The following GJA5 variants were observed in gnomAD, a reference collection of about 807,000 sequenced individuals.
GJA5 encodes the protein gap junction protein alpha 5, also known as gap junction alpha-5 protein.
GJA5 carries 3 observed loss-of-function variants against 7.9 expected under a neutral mutation model. The ratio of observed to expected loss-of-function variants is 0.38; its 90% CI spans 0.17 to 0.99. The LOEUF (loss-of-function observed/expected upper bound fraction) is 0.99, where lower values mean the gene tolerates loss of function less well. Among genes scored for constraint, GJA5 ranks in the 50% least tolerant of loss-of-function variants. The pLI is 0.38. For synonymous variants in GJA5, 193 were observed against 181.0 expected, an observed-to-expected ratio of 1.07 and a Z score of -0.53; for missense variants, 390 against 457.9, an observed-to-expected ratio of 0.85 and a Z score of 1.35.
chr1:147,759,909 G>T (rs1200051152), intron 1 of GJA5, among the ~76,000 whole-genome samples: 1 of 152,192 alleles, frequency 6.6e-6, no homozygotes, highest in Non-Finnish European at 1.5e-5. Context: ...GCAGAACTAG[G>T]TGGAGGAGGA....
At chr1:147,766,721 G>A (rs1553228246) in intron 1 of GJA5, among the ~76,000 whole-genome samples, 1 of 152,118 alleles carries the variant, frequency 6.6e-6, no homozygotes, top group African/African-American at 2.4e-5. Flanking sequence ...GTCTAATTCT[G>A]GACAACGACA....
Position 147,758,682 on chromosome 1 carries a change from C to T in GJA5, c.557G>A (p.Arg186His). Reference sequence around the variant, plus strand: ...GACCGGGTGGGGACAGGGACTCCTGCGGCAGACATGCAGGGTGGTCAGGAA... The same window carrying T: ...GACCGGGTGGGGACAGGGACTCCTGTGGCAGACATGCAGGGTGGTCAGGAA... ...GIFLTTLHVCRRSPCPHPVNC... is the reference protein window; with the variant it reads ...GIFLTTLHVCHRSPCPHPVNC... The change falls in exon 2 of 2, where the codon CGC (arginine) becomes CAC (histidine). Residue 186 changes from arginine (R) to histidine (H), a missense_variant. Arg to His is a conservative substitution (Grantham distance 29, BLOSUM62 0). This residue lies in a region of GJA5 where 354 missense variants were observed against 370.9 expected (regional missense o/e 0.95). Coordinates refer to ENST00000579774, the MANE Select transcript of GJA5 (RefSeq NM_181703.4). 1 of 1,614,156 alleles carries T rather than the reference C, an allele frequency of 6.2e-7. No individual in the cohort carries two copies. Among genetic ancestry groups the T allele is most frequent in the African/African-American group, 1.3e-5 (1 of 75,040 alleles).
At chr1:147,767,617 C>G (rs1284604064) in intron 1 of GJA5, among the ~76,000 whole-genome samples, 5 of 148,248 alleles carry the variant, frequency 3.4e-5, no homozygotes, top group African/African-American at 1.3e-4. Flanking sequence ...AGGCTGGTCT[C>G]AAACTCTTGG....
chr1:147,768,112 C>T (rs1412286567), intron 1 of GJA5, among the ~76,000 whole-genome samples: 1 of 152,072 alleles, frequency 6.6e-6, no homozygotes, highest in Non-Finnish European at 1.5e-5. Flanking sequence ...GGCCAGCATC[C>T]CTGAACCTTG....
chr1:147,761,630 C>T (rs781899249), upstream of GJA5, among the ~76,000 whole-genome samples: 13 of 152,212 alleles, frequency 8.5e-5, no homozygotes, highest in East Asian at 5.8e-4. Flanking sequence ...CCTTAGGTGG[C>T]GAAGCGCCCC....
At chr1:147,764,982 A>G (rs782379678), upstream of GJA5, among the ~76,000 whole-genome samples, 29 of 152,212 alleles carry the variant, frequency 1.9e-4, no homozygotes, top group Non-Finnish European at 3.4e-4. Context: ...TTTGGTACAC[A>G]ATAAATGCTT....
intron 1 of GJA5, among the ~76,000 whole-genome samples, chr1:147,768,443 T>C (rs1211876394): frequency 1.3e-5 from 2 of 152,196 alleles, no homozygotes; most frequent in African/African-American, 2.4e-5. Context: ...TAAATGGAGA[T>C]ATTAAATGTC....
At chr1:147,763,552 A>G (rs1664094552), upstream of GJA5, among the ~76,000 whole-genome samples, 2 of 152,166 alleles carry the variant, frequency 1.3e-5, no homozygotes, top group Non-Finnish European at 2.9e-5. Flanking sequence ...GAAGAGAACC[A>G]TCCCAACTCT....
At chr1:147,766,701 CAG>C (rs1236091403) in intron 1 of GJA5, among the ~76,000 whole-genome samples, 1 of 152,206 alleles carries the variant, frequency 6.6e-6, no homozygotes, top group Admixed American at 6.5e-5. Context: ...GACCACTCCA[CAG>C]AGTCTGAGTC....
chr1:147,758,426 C>T lies in GJA5; in HGVS notation c.813G>A (p.Leu271=), dbSNP rs2148958892. The change falls in exon 2 of 2, where the codon CTG becomes CTA. Residue 271 remains leucine, a synonymous_variant. Transcript: ENST00000579774. The part of the protein sequence containing the change: ...CTPPPDFNQC[L]ENGPGGKFFN... The stretch of plus-strand genomic sequence containing the variant: ...AGAATTTTCCCCCAGGGCCATTCTC[C>T]AGGCACTGATTAAAGTCGGGGGGTG... 1.2e-6 allele frequency: 2 copies of T among 1,614,166 alleles called. No individual in the cohort carries two copies. Among genetic ancestry groups the T allele is most frequent in the South Asian group, 1.1e-5 (1 of 91,090 alleles).
chr1:147,758,292 C>T lies in GJA5; in HGVS notation c.947G>A (p.Arg316His), dbSNP rs369631383. 3.0e-5 allele frequency: 49 copies of T among 1,613,990 alleles called. No homozygotes were observed. Among genetic ancestry groups the T allele is most frequent in the Non-Finnish European group, 4.0e-5 (47 of 1,180,006 alleles). Reference protein sequence around the residue: ...QTPGEGFIQVRYGQKPEVPNG... With the variant: ...QTPGEGFIQVHYGQKPEVPNG... ...GGGCACCTCAGGCTTCTGGCCATAACGAACCTGGATGAAACCTTCCCCAGG... is the reference window on the plus strand; with the variant it reads ...GGGCACCTCAGGCTTCTGGCCATAATGAACCTGGATGAAACCTTCCCCAGG... Residue 316 changes from arginine to histidine, a missense_variant, in exon 2 of 2, where the codon CGT becomes CAT. Transcript: ENST00000579774.
chr1:147,759,230 A>G lies in GJA5; in HGVS notation c.9T>C (p.Asp3=), dbSNP rs587770589. The change falls in exon 2 of 2, where the codon GAT becomes GAC. Residue 3 remains aspartate (D), a synonymous_variant. Transcript: ENST00000579774. The part of the protein sequence containing the change: MG[D]WSFLGNFLEE... The stretch of plus-strand genomic sequence containing the variant: ...CCAGGAAATTTCCCAGGAAGCTCCA[A>G]TCGCCCATCTTGGCACAGCCAGGGA... The G allele has an allele frequency of 4.8e-5, 78 of 1,612,568 alleles. No individual in the cohort carries two copies. The South Asian group carries it at 8.0e-4, about 17-fold the overall frequency.
At chr1:147,766,326 T>G (rs1664200835) in intron 1 of GJA5, among the ~76,000 whole-genome samples, 1 of 152,144 alleles carries the variant, frequency 6.6e-6, no homozygotes, top group Non-Finnish European at 1.5e-5. Flanking sequence ...ATGGATGAAT[T>G]GATAGCATTT....
chr1:147,769,349 T>C (rs1288455286), intron 1 of GJA5, among the ~76,000 whole-genome samples: 1 of 152,222 alleles, frequency 6.6e-6, no homozygotes, highest in African/African-American at 2.4e-5. Context: ...ACTTCCGGTC[T>C]CTAAGGACTA....
At chr1:147,766,739 T>C (rs1291809223) in intron 1 of GJA5, among the ~76,000 whole-genome samples, 1 of 152,186 alleles carries the variant, frequency 6.6e-6, no homozygotes, top group African/African-American at 2.4e-5. Flanking sequence ...ACACATGTTC[T>C]GGACAGTATC....
upstream of GJA5, among the ~76,000 whole-genome samples, chr1:147,763,390 G>A (rs1664089026): frequency 6.6e-6 from 1 of 152,136 alleles, no homozygotes; most frequent in Non-Finnish European, 1.5e-5. Context: ...TAACATAAAG[G>A]AAGTATAAGG....
chr1:147,761,554 A>G (rs782512074), upstream of GJA5, among the ~76,000 whole-genome samples: 3 of 152,208 alleles, frequency 2.0e-5, no homozygotes, highest in Non-Finnish European at 4.4e-5. Flanking sequence ...GCTCCTCTCT[A>G]TATCAAAGAC....
upstream of GJA5, among the ~76,000 whole-genome samples, chr1:147,764,031 A>T (rs1414375022): frequency 6.6e-6 from 1 of 152,012 alleles, no homozygotes; most frequent in African/African-American, 2.4e-5. Context: ...GGCTGGTCTC[A>T]AATTCCTGAC....
rs781806034 is a variant in GJA5 at position 147,757,808 on chromosome 1, T to C, written c.*354A>G. On this transcript the variant is annotated 3_prime_UTR_variant, in exon 2 of 2. Coordinates refer to ENST00000579774, the MANE Select transcript of GJA5 (RefSeq NM_181703.4). ...AGGAACTTAGAGAACGCATTTGGTA[T>C]GCTGCTGGTATGTAGAGAGAGAGTC... is the stretch of plus-strand genomic sequence containing the variant. 5.7e-5 allele frequency: 18 copies of C among 316,402 alleles called. No homozygotes were observed. The highest frequency in any genetic ancestry group is 1.1e-4 in the Non-Finnish European group (18 of 167,268). The allele number at this position is 316,402 out of a possible 1,614,324, so 19.6% of individuals were successfully genotyped here.
Sources: gnomAD v4.1 joint callset for allele counts (sites outside exome capture counted in the v4.1 genomes callset) on GRCh38, gnomAD v4.1.1 for gene constraint, gnomAD v4.1.1 regional missense constraint, MANE v1.5 for transcripts, NCBI Gene and HGNC (gene_info 2026-07-23, HGNC 2026-07-21) for gene names.